The following MED12L variants were observed in gnomAD, a reference collection of about 807,000 sequenced individuals.
MED12L encodes mediator of RNA polymerase II transcription subunit 12-like protein.
In MED12L, 60 loss-of-function variants were observed where a neutral mutation model predicts 281.3. That is an observed-to-expected ratio of 0.21 (90% CI 0.17 to 0.26). The LOEUF is 0.26. Ranked by LOEUF, MED12L falls within the 10% of genes least tolerant of loss-of-function variation. MED12L has a pLI of 1.00. For missense variants in MED12L, 2,146 were observed against 2,680.9 expected, an observed-to-expected ratio of 0.80 and a Z score of 4.41; for synonymous variants, 974 against 987.2, an observed-to-expected ratio of 0.99 and a Z score of 0.25.
At chr3:151,086,727 T>C in intron 1 of MED12L, 71 bp from the exon 2 acceptor site, 1 of 480,894 alleles carries the variant, frequency 2.1e-6, no homozygotes, top group Non-Finnish European at 3.7e-6. Flanking sequence ...CGCCGAAGGC[T>C]GTCCCCATCA....
intron 39 of MED12L, among the ~76,000 whole-genome samples, chr3:151,405,000 T>C (rs1332715093): frequency 1.3e-5 from 2 of 152,186 alleles, no homozygotes; most frequent in East Asian, 3.9e-4. Context: ...TTAAAACTTA[T>C]CGGATGCATT....
chr3:151,152,864 G>T (rs925118842), intron 5 of MED12L, among the ~76,000 whole-genome samples: 1 of 152,022 alleles, frequency 6.6e-6, no homozygotes, highest in East Asian at 1.9e-4. Context: ...GTGTAACACC[G>T]CCAGTGACCT....
At chr3:151,135,201 G>A (rs1715968991) in intron 5 of MED12L, among the ~76,000 whole-genome samples, 1 of 152,030 alleles carries the variant, frequency 6.6e-6, no homozygotes, top group Admixed American at 6.6e-5. Context: ...AATTTTTGTA[G>A]AGACGAGGTT....
intron 16 of MED12L, chr3:151,213,620 G>A (rs771336297): frequency 1.3e-5 from 21 of 1,614,004 alleles, no homozygotes; most frequent in East Asian, 4.5e-5. Context: ...AATATGTTGC[G>A]GCTAGATTTC....
At position 151,219,895 on chromosome 3, in the gene MED12L, C is replaced by G. The variant is rs906860534; in HGVS notation, c.2250+26229C>G. 5.0e-5 allele frequency among the ~76,000 whole-genome samples: 6 copies of G among 118,918 alleles called. No individual in the cohort carries two copies. The South Asian group carries it at 1.3e-3, about 26-fold the overall frequency. 78.0% of individuals were successfully genotyped at this position (118,918 alleles called of 152,430 possible). On this transcript the variant is annotated intron_variant, in intron 16 of 44. Transcript: ENST00000687756. Reference sequence around the variant, plus strand: ...TTTTGGTTATTGGTTTATATTACCCCCCCCCCCCCCTTGGATATGGATGAT... The same window carrying G: ...TTTTGGTTATTGGTTTATATTACCCGCCCCCCCCCCTTGGATATGGATGAT...
chr3:151,176,687 T>A (rs577719934), intron 11 of MED12L, among the ~76,000 whole-genome samples: 2 of 152,328 alleles, frequency 1.3e-5, no homozygotes, highest in African/African-American at 4.8e-5. Context: ...TGCCATATCC[T>A]TTCAGATATT....
Position 151,159,846 on chromosome 3 carries a change from T to C in MED12L, c.852T>C (p.Phe284=). The part of the protein sequence containing the change: ...LPLMLQYSDE[F]VQSAYLSRRL... ...CTACTTCTCAGTATTCAGATGAGTT[T>C]GTTCAGTCGGCCTACCTGTCTCGTC... is the stretch of plus-strand genomic sequence containing the variant. The change falls in exon 8 of 45, where the codon TTT becomes TTC. Residue 284 remains phenylalanine, a synonymous_variant. Transcript: ENST00000687756. 6.2e-6 allele frequency: 10 copies of C among 1,613,920 alleles called. No individual in the cohort carries two copies. Among genetic ancestry groups the C allele is most frequent in the Non-Finnish European group, 8.5e-6 (10 of 1,179,824 alleles).
chr3:151,208,611 GAGGTTGC>G (rs959017974), intron 16 of MED12L, among the ~76,000 whole-genome samples: 3 of 152,180 alleles, frequency 2.0e-5, no homozygotes, highest in African/African-American at 7.2e-5. Context: ...CCTGGAGGTG[GAGGTTGC>G]AGTGAGCTGA....
chr3:151,155,670 A>G (rs1299700024), intron 5 of MED12L, among the ~76,000 whole-genome samples: 1 of 152,216 alleles, frequency 6.6e-6, no homozygotes, highest in Non-Finnish European at 1.5e-5. Flanking sequence ...TTAATTAGGC[A>G]TATTTGAAAT....
rs376615582 is a variant in MED12L, at chr3:151,246,643, C to T, written c.2250+52977C>T. Among the ~76,000 whole-genome samples the T allele has an allele frequency of 7.1e-3, 1,088 of 152,234 alleles. 6 individuals carry two copies. The highest frequency in any genetic ancestry group is 0.014 in the South Asian group (69 of 4,824). On this transcript the variant is annotated intron_variant, in intron 16 of 44. Transcript: ENST00000687756. ...ATTCAAGATGGATTAAAGACTTAAA[C>T]GTTAGACCTACAACCATAAAAACCC...
At chr3:151,317,436 C>CTTTTTTTTTTTTTTTTTTTTATTTT (rs1748415584) in intron 16 of MED12L, among the ~76,000 whole-genome samples, 1 of 58,744 alleles carries the variant, frequency 1.7e-5, no homozygotes, top group Non-Finnish European at 3.1e-5. Context: ...AATCATATCA[C>CTTTTTTTTTTTTTTTTTTTTATTTT]TTTTTTTTTT....
Position 151,294,396 on chromosome 3 carries a change from A to C in MED12L, c.2251-55663A>C, listed in dbSNP as rs112156636. ...AGGATTTTTTGTGCAGATTCATCTA[A>C]AAGCCTGTCTAAGTGACTAAAAGTA... On this transcript the variant is annotated intron_variant, in intron 16 of 44. Transcript: ENST00000687756. 74 of 1,614,182 alleles carry C rather than the reference A, an allele frequency of 4.6e-5. No individual in the cohort carries two copies. The African/African-American group carries it at 6.7e-4, about 15-fold the overall frequency.
intron 16 of MED12L, among the ~76,000 whole-genome samples, chr3:151,223,175 C>CA (rs10646837): frequency 0.012 from 1,472 of 127,072 alleles, 24 homozygotes; most frequent in African/African-American, 0.016. Context: ...TTAAAAAGTC[C>CA]AAAAAAAAAA....
chr3:151,290,600 C>T (rs1455451958), intron 16 of MED12L, among the ~76,000 whole-genome samples: 1 of 149,416 alleles, frequency 6.7e-6, no homozygotes, highest in Non-Finnish European at 1.5e-5. Flanking sequence ...CTATTTGTAG[C>T]ATTTTCCCAT....
chr3:151,377,106 T>A lies in MED12L; in HGVS notation c.4244T>A (p.Leu1415His), dbSNP rs764009170. The change falls in exon 30 of 45, where the codon CTC becomes CAC. Residue 1415 changes from leucine to histidine, a missense_variant. By Grantham distance (99) the Leu-to-His change is moderately conservative. This residue lies in a region of MED12L where 235 missense variants were observed against 260.3 expected (regional missense o/e 0.90). Transcript: ENST00000687756. ...LNNSSNSGMS[L>H]FNPNSIGSAD... is the part of the protein sequence containing the mutation. Reference sequence around the variant, plus strand: ...AATTCTTCTAATTCTGGCATGAGCCTCTTCAACCCAAACAGTATTGGAAGT... The same window carrying A: ...AATTCTTCTAATTCTGGCATGAGCCACTTCAACCCAAACAGTATTGGAAGT... 3 of 1,614,104 alleles carry A rather than the reference T, an allele frequency of 1.9e-6. No individual in the cohort carries two copies. The Admixed American group carries it at 5.0e-5, about 27-fold the overall frequency.
At chr3:151,135,118 C>T (rs954624480) in intron 5 of MED12L, among the ~76,000 whole-genome samples, 1 of 151,140 alleles carries the variant, frequency 6.6e-6, no homozygotes, top group Admixed American at 6.6e-5. Flanking sequence ...CCTCCGCTCT[C>T]AGGTTCAAGC....
In MED12L at chr3:151,128,534, T is replaced by G. The variant is rs529727864; in HGVS notation, c.556+550T>G. Reference sequence around the variant, plus strand: ...CCAGCCACAGTGCCTTCCTTCTATCTCCCTAATATGCTGAGCAGAGCTCCT... The same window carrying G: ...CCAGCCACAGTGCCTTCCTTCTATCGCCCTAATATGCTGAGCAGAGCTCCT... On this transcript the variant is annotated intron_variant, in intron 5 of 44. Transcript: ENST00000687756. 4.6e-5 allele frequency among the ~76,000 whole-genome samples: 7 copies of G among 151,710 alleles called. No individual in the cohort carries two copies. The South Asian group carries it at 1.5e-3, about 32-fold the overall frequency.
intron 14 of MED12L, among the ~76,000 whole-genome samples, chr3:151,191,738 CTG>C (rs1724007153): frequency 6.6e-6 from 1 of 152,148 alleles, no homozygotes; most frequent in South Asian, 2.1e-4. Flanking sequence ...GAAACCCTGT[CTG>C]TACCAAAAAT....
At chr3:151,345,245 G>A (rs182848746) in intron 16 of MED12L, among the ~76,000 whole-genome samples, 24 of 152,292 alleles carry the variant, frequency 1.6e-4, no homozygotes, top group African/African-American at 5.1e-4. Flanking sequence ...GTAGCCTGAC[G>A]TCTCCTGTAA....
Sources: allele counts gnomAD v4.1 joint callset (sites outside exome capture counted in the v4.1 genomes callset), GRCh38; gene constraint gnomAD v4.1.1; regional missense constraint gnomAD v4.1.1; transcripts MANE v1.5; gene names NCBI Gene and HGNC (gene_info 2026-07-23, HGNC 2026-07-21).